PDGFRA: variants seen among roughly 807,000 people sequenced by gnomAD.
PDGFRA encodes platelet-derived growth factor receptor alpha.
PDGFRA carries 25 observed loss-of-function variants against 121.5 expected under a neutral mutation model. The observed-to-expected ratio is 0.21, with a 90% CI of 0.15 to 0.29. The LOEUF is 0.29. PDGFRA is among the 10% of genes least tolerant of loss of function. PDGFRA has a pLI of 1.00. For synonymous variants in PDGFRA, 463 were observed against 494.8 expected, an observed-to-expected ratio of 0.94 and a Z score of 0.85; for missense variants, 1,008 against 1,345.1, an observed-to-expected ratio of 0.75 and a Z score of 3.92.
intron 3 of PDGFRA, among the ~76,000 whole-genome samples, 191 bp from the exon 4 acceptor site, chr4:54,263,471 TTGGTA>T (rs1456614761): frequency 6.6e-6 from 1 of 152,174 alleles, no homozygotes; most frequent in East Asian, 1.9e-4. Flanking sequence ...GACAGGCAAT[TTGGTA>T]TTATTCATAC....
intron 1 of PDGFRA, among the ~76,000 whole-genome samples, chr4:54,251,902 C>T (rs1722070477): frequency 6.6e-6 from 1 of 152,184 alleles, no homozygotes; most frequent in Non-Finnish European, 1.5e-5. Flanking sequence ...TTTTGCTGCA[C>T]TTTATACAAA....
chr4:54,264,852 C>CTT (rs1722943807), intron 4 of PDGFRA, 67 bp from the exon 5 acceptor site: 2 of 1,184,678 alleles, frequency 1.7e-6, no homozygotes, highest in African/African-American at 3.2e-5. Flanking sequence ...AAAAAAAAAA[C>CTT]CCAAACTTTA....
At chr4:54,293,797 G>A (rs372312671) in intron 22 of PDGFRA, among the ~76,000 whole-genome samples, 5 of 152,060 alleles carry the variant, frequency 3.3e-5, no homozygotes, top group African/African-American at 7.2e-5. Flanking sequence ...ACTGGCTGAC[G>A]TGGTCAGATG....
Position 54,289,152 on chromosome 4 carries a change from G to C in PDGFRA, c.2880+38G>C, listed in dbSNP as rs1369063503. ...CTGTGGGTGGAAAGGTCTGGATAAA[G>C]CTGGAAGTTATACCAGTGAGCTGTG... is the stretch of plus-strand genomic sequence containing the variant. On this transcript the variant is annotated intron_variant, in intron 21 of 22. Coordinates refer to ENST00000257290, the MANE Select transcript of PDGFRA (RefSeq NM_006206.6). The C allele has an allele frequency of 5.0e-6, 6 of 1,195,434 alleles. No homozygotes were observed. In the East Asian group the frequency reaches 9.3e-5, roughly 19 times the overall value. 74.1% of individuals were successfully genotyped at this position (1,195,434 alleles called of 1,614,324 possible). A position where few individuals can be genotyped will look rare whatever the true frequency, so the allele number is the denominator to read the frequency against.
intron 1 of PDGFRA, among the ~76,000 whole-genome samples, chr4:54,247,885 A>G (rs1293511116): frequency 2.0e-5 from 3 of 152,230 alleles, no homozygotes; most frequent in Non-Finnish European, 4.4e-5. Flanking sequence ...CTCAGGATAC[A>G]AAATCAATGT....
At position 54,273,657 on chromosome 4, in the gene PDGFRA, G is replaced by A; in HGVS notation, c.1485G>A (p.Glu495=). 1 of 1,614,094 alleles carries A rather than the reference G, an allele frequency of 6.2e-7. No individual in the cohort carries two copies. Residue 495 remains glutamate (E), a synonymous_variant, in exon 10 of 23, where the codon GAG becomes GAA. Coordinates refer to ENST00000257290, the MANE Select transcript of PDGFRA (RefSeq NM_006206.6). ...EGRVTFAKVE[E]TIAVRCLAKN... ...GTGTGACTTTCGCCAAAGTGGAGGA[G>A]ACCATCGCCGTGCGATGCCTGGCTA...
At chr4:54,243,255 A>G (rs1322647612) in intron 1 of PDGFRA, among the ~76,000 whole-genome samples, 1 of 152,188 alleles carries the variant, frequency 6.6e-6, no homozygotes, top group Non-Finnish European at 1.5e-5. Context: ...AACACCTGCT[A>G]CATAATTAAG....
In PDGFRA at chr4:54,277,391, G is replaced by A. The variant is rs999173790; in HGVS notation, c.1790G>A (p.Arg597Gln). The A allele has an allele frequency of 2.0e-5, 32 of 1,612,786 alleles. No individual in the cohort carries two copies. Among genetic ancestry groups the A allele is most frequent in the Non-Finnish European group, 2.7e-5 (32 of 1,178,860 alleles). The change falls in exon 13 of 23, where the codon CGG becomes CAG. Residue 597 changes from arginine to glutamine, a missense_variant. Around this residue, in one of 5 missense-constraint regions of PDGFRA, gnomAD observed 61 missense variants for 125.3 expected, o/e 0.49. Coordinates refer to ENST00000257290, the MANE Select transcript of PDGFRA (RefSeq NM_006206.6). ...EFPRDGLVLG[R>Q]VLGSGAFGKV... ...TAATGATTCTGCCTGCCCACAGGTCGGGTCTTGGGGTCTGGAGCGTTTGGG... is the reference window on the plus strand; with the variant it reads ...TAATGATTCTGCCTGCCCACAGGTCAGGTCTTGGGGTCTGGAGCGTTTGGG...
Position 54,267,768 on chromosome 4 carries a change from C to CT in PDGFRA, c.1121+27_1121+28insT, listed in dbSNP as rs752691437. 3.2e-5 allele frequency: 51 copies of CT among 1,591,204 alleles called. No homozygotes were observed. The African/African-American group carries it at 5.8e-4, about 18-fold the overall frequency. On this transcript the variant is annotated intron_variant, in intron 7 of 22. Transcript: ENST00000257290. ...TAAAGAAACTCTCTGCCCAAGTATG[C>CT]CTTTTTTTAGTGTGCATCAGAGGCG...
chr4:54,281,542 C>A, intron 16 of PDGFRA: 2 of 1,302,768 alleles, frequency 1.5e-6, no homozygotes, highest in Non-Finnish European at 1.0e-6. Context: ...CTTCCTCTCC[C>A]CTCCCATATT....
chr4:54,260,397 G>GTTTTTTTTTTTTTTTTTTTTT (rs68009440), intron 2 of PDGFRA, among the ~76,000 whole-genome samples: 2 of 64,602 alleles, frequency 3.1e-5, no homozygotes, highest in African/African-American at 6.8e-5. Flanking sequence ...TTCCATGTGG[G>GTTTTTTTTTTTTTTTTTTTTT]TTTTTTTTTT....
At chr4:54,255,417 G>A (rs1405654763) in intron 1 of PDGFRA, among the ~76,000 whole-genome samples, 1 of 151,902 alleles carries the variant, frequency 6.6e-6, no homozygotes, top group African/African-American at 2.4e-5. Flanking sequence ...ACCAAATTAG[G>A]CTATTATCTA....
chr4:54,264,106 A>G (rs1282575634), intron 4 of PDGFRA, 179 bp downstream of exon 4: 6 of 622,112 alleles, frequency 9.6e-6, no homozygotes, highest in East Asian at 5.4e-5. Flanking sequence ...TAAAATTACT[A>G]AAGGCCAAAG....
At chr4:54,283,805 G>A (rs1177134262) in intron 16 of PDGFRA, among the ~76,000 whole-genome samples, 3 of 151,960 alleles carry the variant, frequency 2.0e-5, no homozygotes, top group Admixed American at 6.6e-5. Flanking sequence ...GTCTCACTAT[G>A]TTGTCCAGGC....
At chr4:54,273,851 A>T in intron 10 of PDGFRA, 121 bp downstream of exon 10, 1 of 768,610 alleles carries the variant, frequency 1.3e-6, no homozygotes, top group Non-Finnish European at 2.2e-6. Context: ...TTCAGTTATG[A>T]ATGCTCTTAA....
chr4:54,243,130 T>C (rs566037352), intron 1 of PDGFRA, among the ~76,000 whole-genome samples: 92 of 152,294 alleles, frequency 6.0e-4, no homozygotes, highest in Non-Finnish European at 1.1e-3. Context: ...TGATTTGCTT[T>C]AGGTTGGCCA....
intron 22 of PDGFRA, 80 bp downstream of exon 22, chr4:54,290,634 A>C (rs1577748918): frequency 6.7e-7 from 1 of 1,487,236 alleles, no homozygotes; most frequent in Non-Finnish European, 9.4e-7. Context: ...TTTCCCGATA[A>C]TGGTGCACTC....
At chr4:54,259,546 G>A (rs1016477552) in intron 2 of PDGFRA, among the ~76,000 whole-genome samples, 1 of 152,182 alleles carries the variant, frequency 6.6e-6, no homozygotes, top group African/African-American at 2.4e-5. Context: ...GTATTGGACT[G>A]TCTTAGTTTT....
intron 16 of PDGFRA, among the ~76,000 whole-genome samples, chr4:54,283,047 CAG>C (rs1553905624): frequency 2.6e-5 from 4 of 152,214 alleles, no homozygotes; most frequent in African/African-American, 9.6e-5. Context: ...CAGCTGCTCT[CAG>C]GGGCTGTTGT....
Sources: gnomAD v4.1 joint callset for allele counts (sites outside exome capture counted in the v4.1 genomes callset) on GRCh38, gnomAD v4.1.1 for gene constraint, gnomAD v4.1.1 regional missense constraint, MANE v1.5 for transcripts, NCBI Gene and HGNC (gene_info 2026-07-23, HGNC 2026-07-21) for gene names.